The following ELFN1 variants were observed in gnomAD, a reference collection of about 807,000 sequenced individuals.
ELFN1 encodes protein ELFN1.
A neutral mutation model predicts 7.6 loss-of-function variants in ELFN1; 6 were observed. The observed-to-expected ratio is 0.79, with a 90% confidence interval of 0.43 to 1.56. The LOEUF (loss-of-function observed/expected upper bound fraction) is 1.56, where lower values mean the gene tolerates loss of function less well. Among genes scored for constraint, ELFN1 ranks in the 40% most tolerant of loss-of-function variants. The pLI is 0.01. For synonymous variants in ELFN1, 657 were observed against 588.1 expected, an observed-to-expected ratio of 1.12 and a Z score of -1.70; for missense variants, 1,169 against 1,232.2, an observed-to-expected ratio of 0.95 and a Z score of 0.77.
In ELFN1 at chr7:1,702,296, T is replaced by C. The variant is rs996574164; in HGVS notation, c.-455-6795T>C. ...AAAAATTAGCCAGCGTGATGGCGGG[T>C]GCCTGTAGTCCCAGCTACTTGGGAG... is the stretch of plus-strand genomic sequence containing the variant. On this transcript the variant is annotated intron_variant, in intron 2 of 3. Transcript: ENST00000424383. 4.0e-5 allele frequency among the ~76,000 whole-genome samples: 6 copies of C among 151,680 alleles called. No homozygotes were observed. In the South Asian group the frequency reaches 8.3e-4, roughly 21 times the overall value.
intron 2 of ELFN1, among the ~76,000 whole-genome samples, chr7:1,697,751 C>T (rs1276966317): frequency 6.6e-6 from 1 of 152,188 alleles, no homozygotes; most frequent in Admixed American, 6.5e-5. Context: ...CACATCAAGG[C>T]ATGTGTCACC....
intron 1 of ELFN1, among the ~76,000 whole-genome samples, chr7:1,678,296 C>T (rs958070867): frequency 6.6e-6 from 1 of 152,180 alleles, no homozygotes; most frequent in Non-Finnish European, 1.5e-5. Context: ...GACTTCAGCT[C>T]CCATCCTGCC....
chr7:1,743,014 A>G (rs1470736060), intron 3 of ELFN1, among the ~76,000 whole-genome samples: 1 of 152,134 alleles, frequency 6.6e-6, no homozygotes. Flanking sequence ...CCATTTCTCT[A>G]TCCTGCAGGG....
chr7:1,742,005 C>T (rs543064875), intron 3 of ELFN1, among the ~76,000 whole-genome samples: 2 of 152,314 alleles, frequency 1.3e-5, no homozygotes, highest in African/African-American at 4.8e-5. Context: ...CATACGAGGG[C>T]TCACGTGTAC....
chr7:1,678,505 C>T (rs1188571581), intron 1 of ELFN1, among the ~76,000 whole-genome samples: 1 of 152,198 alleles, frequency 6.6e-6, no homozygotes, highest in African/African-American at 2.4e-5. Context: ...TAACATGGTC[C>T]AGGCTCACGG....
chr7:1,675,653 C>T (rs899818330), intron 1 of ELFN1, among the ~76,000 whole-genome samples: 2 of 152,188 alleles, frequency 1.3e-5, no homozygotes, highest in East Asian at 1.9e-4. Flanking sequence ...ATGGGGGGGC[C>T]GTCGGGGGGC....
chr7:1,682,889 G>C (rs1212972485), intron 1 of ELFN1, among the ~76,000 whole-genome samples: 1 of 152,112 alleles, frequency 6.6e-6, no homozygotes, highest in Non-Finnish European at 1.5e-5. Context: ...GCCATTTTTA[G>C]TTTATTGAGA....
rs1355723023 is a variant in ELFN1, at chr7:1,739,973, TA to T, written c.-293-4330del. Among the ~76,000 whole-genome samples, 1 of 152,188 alleles carries T rather than the reference TA, an allele frequency of 6.6e-6. No individual in the cohort carries two copies. The highest frequency in any genetic ancestry group is 1.5e-5 in the Non-Finnish European group (1 of 68,030). ...TTTGTTTTATGGAAGGTTCTAGAAC[TA>T]CGAGTTCCAATACGGCAGCTACTAG... is the stretch of plus-strand genomic sequence containing the variant. On this transcript the variant is annotated intron_variant, in intron 3 of 3. Coordinates refer to ENST00000424383, the MANE Select transcript of ELFN1 (RefSeq NM_001128636.4). This position sits in a 1 kb window ranked among gnomAD's most constrained non-coding sequence, Gnocchi z 4.6.
chr7:1,740,320 G>C lies in ELFN1; in HGVS notation c.-293-3984G>C, dbSNP rs919675991. 3.9e-5 allele frequency among the ~76,000 whole-genome samples: 6 copies of C among 152,228 alleles called. No homozygotes were observed. The highest frequency in any genetic ancestry group is 1.2e-4 in the African/African-American group (5 of 41,452). ...TGGTCCACGCCCATACGAGCCTCTG[G>C]GTCTGAGGCAGCAAGTGTGCTGAGG... On this transcript the variant is annotated intron_variant, in intron 3 of 3. Coordinates refer to ENST00000424383, the MANE Select transcript of ELFN1 (RefSeq NM_001128636.4). This position sits in a 1 kb window ranked among gnomAD's most constrained non-coding sequence, Gnocchi z 5.0.
intron 1 of ELFN1, among the ~76,000 whole-genome samples, chr7:1,675,457 G>A (rs1489244046): frequency 6.6e-6 from 1 of 152,250 alleles, no homozygotes; most frequent in Admixed American, 6.5e-5. Context: ...TTGACAGCCT[G>A]GAGGCTCCCC....
chr7:1,727,892 G>C (rs1024337122), intron 3 of ELFN1, among the ~76,000 whole-genome samples: 2 of 152,174 alleles, frequency 1.3e-5, no homozygotes, highest in African/African-American at 4.8e-5. Context: ...ACAGGGGTGA[G>C]CCACTGTGCC....
At chr7:1,679,177 G>A (rs964420173) in intron 1 of ELFN1, among the ~76,000 whole-genome samples, 10 of 149,566 alleles carry the variant, frequency 6.7e-5, no homozygotes, top group South Asian at 2.1e-4. Flanking sequence ...ACACGTACGC[G>A]CGCACACACA....
At chr7:1,707,175 C>T (rs1389038330) in intron 2 of ELFN1, among the ~76,000 whole-genome samples, 1 of 152,250 alleles carries the variant, frequency 6.6e-6, no homozygotes, top group Non-Finnish European at 1.5e-5. Flanking sequence ...CCCAAGGGGT[C>T]TGGGCCTCTG....
chr7:1,744,499 C>T lies in ELFN1; in HGVS notation c.-98C>T, dbSNP rs1341100219. The T allele has an allele frequency of 1.1e-5, 14 of 1,331,030 alleles. No homozygotes were observed. Among genetic ancestry groups the T allele is most frequent in the African/African-American group, 1.5e-5 (1 of 66,030 alleles). The allele number at this position is 1,331,030 out of a possible 1,614,324, so 82.5% of individuals were successfully genotyped here. A position where few individuals can be genotyped will look rare whatever the true frequency, so the allele number is the denominator to read the frequency against. ...GACACCCCTGAGAGTGCAGGCACCT[C>T]CCCCTCCCGCCCCTCCATCCCTCTG... On this transcript the variant is annotated 5_prime_UTR_variant, in exon 4 of 4. Transcript: ENST00000424383.
intron 1 of ELFN1, among the ~76,000 whole-genome samples, chr7:1,675,823 G>T (rs899868514): frequency 2.6e-5 from 4 of 152,352 alleles, no homozygotes; most frequent in African/African-American, 7.2e-5. Flanking sequence ...GGCTGGGAAG[G>T]TGTCCCGGAG....
chr7:1,715,308 C>T (rs909037899), intron 3 of ELFN1, among the ~76,000 whole-genome samples: 4 of 152,288 alleles, frequency 2.6e-5, no homozygotes, highest in Admixed American at 6.5e-5. Context: ...AGATGAGCCA[C>T]GGCCCACTGT....
In ELFN1 at chr7:1,678,526, C is replaced by G. The variant is rs927266932; in HGVS notation, c.-549+8172C>G. Among the ~76,000 whole-genome samples the G allele has an allele frequency of 3.9e-5, 6 of 152,160 alleles. No homozygotes were observed. In the East Asian group the frequency reaches 1.2e-3, roughly 29 times the overall value. ...GGTCCAGGCTCACGGCTCACATGTG[C>G]CAGAACCCAGCATAGCCTGTCTGGG... is the stretch of plus-strand genomic sequence containing the variant. On this transcript the variant is annotated intron_variant, in intron 1 of 3. Transcript: ENST00000424383.
intron 3 of ELFN1, among the ~76,000 whole-genome samples, chr7:1,726,589 G>A (rs1780203781): frequency 6.6e-6 from 1 of 152,202 alleles, no homozygotes; most frequent in Non-Finnish European, 1.5e-5. Flanking sequence ...GGCCTCCAGG[G>A]AGAGCTAGCC....
At chr7:1,724,722 T>G (rs1780134984) in intron 3 of ELFN1, among the ~76,000 whole-genome samples, 1 of 152,148 alleles carries the variant, frequency 6.6e-6, no homozygotes, top group African/African-American at 2.4e-5. Flanking sequence ...CCCCAGGGCC[T>G]GTCACAGAGG....
Sources: gnomAD v4.1 joint callset for allele counts (sites outside exome capture counted in the v4.1 genomes callset) on GRCh38, gnomAD v4.1.1 for gene constraint, Gnocchi (gnomAD v3.1) non-coding constraint, MANE v1.5 for transcripts, NCBI Gene and HGNC (gene_info 2026-07-23, HGNC 2026-07-21) for gene names.